ANK3: variants seen among roughly 807,000 people sequenced by gnomAD.
The protein encoded by ANK3 is ankyrin 3.
ANK3 carries 57 observed loss-of-function variants against 370.9 expected under a neutral mutation model. The ratio of observed to expected loss-of-function variants is 0.15; its 90% CI spans 0.12 to 0.19. The LOEUF is 0.19. Ranked by LOEUF, ANK3 falls within the 10% of genes least tolerant of loss-of-function variation. The pLI, the probability that ANK3 is intolerant of heterozygous loss-of-function variation, is 1.00. For synonymous variants in ANK3, 1,929 were observed against 1,946.3 expected (o/e 0.99, Z 0.23); for missense variants, 4,439 against 5,302.1 (o/e 0.84, Z 5.06).
At chr10:60,594,339 T>C (rs1349064683) in intron 2 of ANK3, among the ~76,000 whole-genome samples, 2 of 152,186 alleles carry the variant, frequency 1.3e-5, no homozygotes, top group African/African-American at 4.8e-5. Flanking sequence ...ACACCCATCA[T>C]ACTAGGCAAC....
At chr10:60,282,976 A>C (rs7101340) in intron 1 of ANK3, among the ~76,000 whole-genome samples, 2 of 152,010 alleles carry the variant, frequency 1.3e-5, no homozygotes, top group Non-Finnish European at 2.9e-5. Context: ...ACCGGCAAAC[A>C]AAACAGCCAC....
intron 2 of ANK3, among the ~76,000 whole-genome samples, chr10:60,474,276 T>G (rs2074997706): frequency 6.6e-6 from 1 of 152,046 alleles, no homozygotes; most frequent in African/African-American, 2.4e-5. Context: ...GGAATACTAC[T>G]TACAGAGAAT....
intron 43 of ANK3, among the ~76,000 whole-genome samples, chr10:60,034,238 C>T (rs1301613309): frequency 2.0e-5 from 3 of 151,512 alleles, no homozygotes; most frequent in Non-Finnish European, 4.4e-5. Flanking sequence ...TCCTGAGTAG[C>T]TGGGATTAAA....
intron 2 of ANK3, among the ~76,000 whole-genome samples, chr10:60,465,167 G>A (rs2064980481): frequency 6.6e-6 from 1 of 151,906 alleles, no homozygotes; most frequent in Non-Finnish European, 1.5e-5. Flanking sequence ...TGAGGTGGGA[G>A]GATCACCTGA....
In ANK3 at chr10:60,064,033, T is replaced by G. The variant is rs946138774; in HGVS notation, c.12451+124A>C. ...AGACTTGCTATTACCTCATGATCAC[T>G]TAGTTTTCTATATTAAAGATTACAG... On this transcript the variant is annotated intron_variant, in intron 39 of 43. Coordinates refer to ENST00000280772, the MANE Select transcript of ANK3 (RefSeq NM_020987.5). 9 of 891,176 alleles carry G rather than the reference T, an allele frequency of 1.0e-5. No individual in the cohort carries two copies. In the Admixed American group the frequency reaches 3.1e-4, roughly 31 times the overall value. 55.2% of individuals were successfully genotyped at this position (891,176 alleles called of 1,614,324 possible). A position where few individuals can be genotyped will look rare whatever the true frequency, so the allele number is the denominator to read the frequency against.
intron 1 of ANK3, among the ~76,000 whole-genome samples, chr10:60,291,008 G>A (rs2041253246): frequency 6.6e-6 from 1 of 152,064 alleles, no homozygotes; most frequent in Non-Finnish European, 1.5e-5. Context: ...TTCAGGCCGT[G>A]GGGGTATTTT....
At chr10:60,249,083 C>G (rs2097602026) in intron 7 of ANK3, among the ~76,000 whole-genome samples, 1 of 152,100 alleles carries the variant, frequency 6.6e-6, no homozygotes, top group South Asian at 2.1e-4. Flanking sequence ...ACTATCAAAG[C>G]TCAATCAAAA....
intron 1 of ANK3, among the ~76,000 whole-genome samples, chr10:60,642,594 G>C (rs1220666033): frequency 3.4e-5 from 5 of 146,716 alleles, no homozygotes; most frequent in Non-Finnish European, 3.0e-5. Flanking sequence ...AGATCACATG[G>C]ACACAGGAAG....
chr10:60,641,006 A>G (rs1222279999), intron 1 of ANK3, among the ~76,000 whole-genome samples: 1 of 148,160 alleles, frequency 6.7e-6, no homozygotes, highest in East Asian at 2.0e-4. Flanking sequence ...GGAGAGCCAA[A>G]TCAGGAGTGA....
chr10:60,454,530 G>T (rs537091114), intron 2 of ANK3, among the ~76,000 whole-genome samples: 1 of 152,110 alleles, frequency 6.6e-6, no homozygotes, highest in South Asian at 2.1e-4. Flanking sequence ...TTTACAATAG[G>T]GAAGAAGGCC....
intron 43 of ANK3, among the ~76,000 whole-genome samples, chr10:60,041,938 T>C (rs2076163042): frequency 7.4e-6 from 1 of 135,262 alleles, no homozygotes; most frequent in African/African-American, 2.8e-5. Flanking sequence ...CCTGTGGGGC[T>C]AAGAAGACTG....
In ANK3 at chr10:60,557,811, C is replaced by T. The variant is rs532100397; in HGVS notation, c.96+57375G>A. ...AGGGTCCAACTACTTTGACATTAAA[C>T]GGGGTGTTCTTTTAAAAACGATTTT... On this transcript the variant is annotated intron_variant, in intron 2 of 43. Coordinates refer to the ANK3 transcript ENST00000373827. 3.0e-4 allele frequency among the ~76,000 whole-genome samples: 45 copies of T among 152,254 alleles called. No homozygotes were observed. In the South Asian group the frequency reaches 6.6e-3, roughly 22 times the overall value.
At chr10:60,708,612 A>G (rs1187192816) in intron 1 of ANK3, among the ~76,000 whole-genome samples, 1 of 152,202 alleles carries the variant, frequency 6.6e-6, no homozygotes, top group African/African-American at 2.4e-5. Flanking sequence ...AGTTTCCTCA[A>G]CGGAATCTGA....
Position 60,055,805 on chromosome 10 carries a change from A to T in ANK3, c.12918T>A (p.Ser4306=). The T allele has an allele frequency of 6.2e-7, 1 of 1,614,192 alleles. No individual in the cohort carries two copies. The highest frequency in any genetic ancestry group is 8.5e-7 in the Non-Finnish European group (1 of 1,180,028). Residue 4306 remains serine (S), a synonymous_variant, in exon 42 of 44, where the codon TCT becomes TCA. Transcript: ENST00000280772. ...TTATAAGCTTGCTGGTTTCTTCTAGAGATTTCTGATATGCTGCTAGTGGTG... is the reference window on the plus strand; with the variant it reads ...TTATAAGCTTGCTGGTTTCTTCTAGTGATTTCTGATATGCTGCTAGTGGTG... ...PASPLAAYQK[S]LEETSKLIIE...
chr10:60,132,520 G>C (rs905332388), intron 25 of ANK3, among the ~76,000 whole-genome samples: 3 of 152,098 alleles, frequency 2.0e-5, no homozygotes, highest in African/African-American at 7.2e-5. Context: ...CAGCCATGTG[G>C]AACTGTGAGT....
At chr10:60,050,336 G>T (rs1295315245) in intron 42 of ANK3, among the ~76,000 whole-genome samples, 1 of 152,082 alleles carries the variant, frequency 6.6e-6, no homozygotes, top group Non-Finnish European at 1.5e-5. Context: ...TTTAGACAAC[G>T]ATTTATTTTC....
At chr10:60,266,540 A>T (rs1169478398) in intron 5 of ANK3, among the ~76,000 whole-genome samples, 1 of 152,194 alleles carries the variant, frequency 6.6e-6, no homozygotes, top group Non-Finnish European at 1.5e-5. Flanking sequence ...CTCTGAAACC[A>T]AACAAAATGG....
At chr10:60,711,547 T>C (rs1188472276) in intron 1 of ANK3, among the ~76,000 whole-genome samples, 3 of 151,928 alleles carry the variant, frequency 2.0e-5, no homozygotes, top group Non-Finnish European at 2.9e-5. Context: ...AAAGAATATT[T>C]TTTTAAGAAG....
intron 2 of ANK3, among the ~76,000 whole-genome samples, chr10:60,478,581 G>C (rs756024633): frequency 6.6e-6 from 1 of 151,986 alleles, no homozygotes; most frequent in Non-Finnish European, 1.5e-5. Context: ...AAGAAATACT[G>C]TACAAGAAAG....
Sources: allele counts gnomAD v4.1 joint callset (sites outside exome capture counted in the v4.1 genomes callset), GRCh38; gene constraint gnomAD v4.1.1; transcripts MANE v1.5; gene names NCBI Gene and HGNC (gene_info 2026-07-23, HGNC 2026-07-21).